Variants in SLC26A1 observed in about 807,000 individuals in gnomAD.
SLC26A1 encodes the protein solute carrier family 26 member 1.
SLC26A1 carries 18 observed loss-of-function variants against 14.5 expected under a neutral mutation model. The ratio of observed to expected loss-of-function variants is 1.24; its 90% CI spans 0.86 to 1.84. The LOEUF is 1.84. SLC26A1 is among the 40% of genes most tolerant of loss of function. The pLI, the probability that SLC26A1 is intolerant of heterozygous loss-of-function variation, is 0.00. For synonymous variants in SLC26A1, 505 were observed against 492.0 expected, an observed-to-expected ratio of 1.03 and a Z score of -0.35; for missense variants, 1,049 against 1,020.0, an observed-to-expected ratio of 1.03 and a Z score of -0.39.
chr4:987,081 G>A, downstream of SLC26A1: 1 of 1,491,942 alleles, frequency 6.7e-7, no homozygotes, highest in African/African-American at 1.5e-5. Flanking sequence ...GAGCACGCGT[G>A]GCCATGCGTC....
rs1166541009 is a variant in SLC26A1, at chr4:989,040, C to T, written c.1899G>A (p.Leu633=). ...TGCCCAGGGCCCCGTAGTCTCGGCG[C>T]AGGTCCTGCAGCGTGCTCACACCGG... ...DAAGVSTLQD[L]RRDYGALGIS... is the part of the protein sequence containing the mutation. Residue 633 remains leucine (L), a synonymous_variant, in exon 3 of 3, where the codon CTG becomes CTA. Transcript: ENST00000398516. 2.5e-6 allele frequency: 4 copies of T among 1,580,778 alleles called. No individual in the cohort carries two copies. The South Asian group carries it at 4.6e-5, about 18-fold the overall frequency.
At chr4:992,392 T>A (rs1271651050) in intron 1 of SLC26A1, among the ~76,000 whole-genome samples, 2 of 152,326 alleles carry the variant, frequency 1.3e-5, no homozygotes, top group East Asian at 3.9e-4. Context: ...GCCTCCTATG[T>A]CCCTGCCAAG....
At chr4:979,472 G>A (rs1242577114) in exon 3 of SLC26A1, 3 of 1,613,784 alleles carry the variant, frequency 1.9e-6, no homozygotes, top group African/African-American at 2.7e-5. Flanking sequence ...ATTGCCATGG[G>A]TGTTGCTGGA....
downstream of SLC26A1, chr4:986,785 G>A: frequency 1.8e-6 from 1 of 556,566 alleles, no homozygotes; most frequent in South Asian, 1.5e-5. Context: ...AGAAAAACAA[G>A]ACAGTAATGG....
At chr4:986,153 G>C (rs1322312387), downstream of SLC26A1, among the ~76,000 whole-genome samples, 1 of 152,076 alleles carries the variant, frequency 6.6e-6, no homozygotes, top group Non-Finnish European at 1.5e-5. Flanking sequence ...CAGGCCTCAA[G>C]TGATCCTCCC....
rs752705868 is a variant in SLC26A1, at chr4:988,287, C to T, written c.*546G>A. On this transcript the variant is annotated 3_prime_UTR_variant, in exon 3 of 3. Coordinates refer to ENST00000398516, the MANE Select transcript of SLC26A1 (RefSeq NM_022042.4). ...CCTGAGGGCTGAGCTGAGGTCTCAT[C>T]GGTCACAGCACCCTGGGCCCTGACG... 8.4e-5 allele frequency: 97 copies of T among 1,158,902 alleles called. 1 individual carries two copies. Among genetic ancestry groups the T allele is most frequent in the Non-Finnish European group, 9.2e-5 (86 of 935,218 alleles). The allele number at this position is 1,158,902 out of a possible 1,614,324, so 71.8% of individuals were successfully genotyped here.
In SLC26A1 at chr4:987,853, G is replaced by A. The variant is rs754212720; in HGVS notation, c.*980C>T. ...CAGGCTGACCAGTACGTCCTCAGCT[G>A]GGACCAGCAGCTCAACCTCGCCTAT... On this transcript the variant is annotated 3_prime_UTR_variant, in exon 3 of 3. Coordinates refer to ENST00000398516, the MANE Select transcript of SLC26A1 (RefSeq NM_022042.4). The A allele has an allele frequency of 6.2e-7, 1 of 1,612,480 alleles. No homozygotes were observed. The highest frequency in any genetic ancestry group is 1.1e-5 in the South Asian group (1 of 91,060).
In SLC26A1 at chr4:988,748, C is replaced by G; in HGVS notation, c.*85G>C. ...AGTGCAGCTCTTGGGTGGCTCCTCC[C>G]TGGGAAGGGTCTCAGCAGTGGCTTG... On this transcript the variant is annotated 3_prime_UTR_variant, in exon 3 of 3. Transcript: ENST00000398516. 7.0e-7 allele frequency: 1 copy of G among 1,436,648 alleles called. No individual in the cohort carries two copies. The allele number at this position is 1,436,648 out of a possible 1,614,324, so 89.0% of individuals were successfully genotyped here.
rs202108786 is a variant in SLC26A1 at position 991,534 on chromosome 4, G to A, written c.170C>T (p.Thr57Met). ...RALVQDLLPA[T>M]RWLRQYRPRE... The stretch of plus-strand genomic sequence containing the variant: ...CGGGCGGTACTGACGCAGCCAGCGC[G>A]TGGCGGGGAGCAGGTCCTGCACCAG... Residue 57 changes from threonine (T) to methionine (M), a missense_variant, in exon 2 of 3, where the codon ACG (threonine) becomes ATG (methionine). Thr to Met is a moderately conservative substitution (Grantham distance 81, BLOSUM62 -1). Coordinates refer to ENST00000398516, the MANE Select transcript of SLC26A1 (RefSeq NM_022042.4). 41 of 1,606,062 alleles carry A rather than the reference G, an allele frequency of 2.6e-5. No individual in the cohort carries two copies. In the East Asian group the frequency reaches 3.1e-4, roughly 12 times the overall value.
downstream of SLC26A1, among the ~76,000 whole-genome samples, chr4:986,226 C>G (rs963710793): frequency 6.6e-6 from 1 of 152,118 alleles, no homozygotes; most frequent in African/African-American, 2.4e-5. Flanking sequence ...CAAGCCTGTT[C>G]TTTCCATTAT....
chr4:980,801 C>T (rs1033681727), intron 2 of SLC26A1, among the ~76,000 whole-genome samples: 1 of 151,808 alleles, frequency 6.6e-6, no homozygotes, highest in African/African-American at 2.4e-5. Flanking sequence ...GAGACAGAAA[C>T]TAAAAACCAG....
intron 2 of SLC26A1, 46 bp from the exon 3 acceptor site, chr4:990,408 AC>A (rs752571486): frequency 2.5e-5 from 38 of 1,514,374 alleles, no homozygotes; most frequent in Admixed American, 1.2e-4. Context: ...GGCGGGAGCC[AC>A]CTGCCCCTCA....
Position 979,307 on chromosome 4 carries a change from A to G in SLC26A1, c.*99T>C, listed in dbSNP as rs1713466400. 23 of 762,762 alleles carry G rather than the reference A, an allele frequency of 3.0e-5. No individual in the cohort carries two copies. The East Asian group carries it at 6.2e-4, about 21-fold the overall frequency. 47.2% of individuals were successfully genotyped at this position (762,762 alleles called of 1,614,324 possible). On this transcript the variant is annotated 3_prime_UTR_variant, in exon 3 of 3. Transcript: ENST00000398520. Reference sequence around the variant, plus strand: ...CCTTTTTTCCCCAGGTGCTGATCCAAGCCTCCCTCTGGAATAAGCTGTATC... The same window carrying G: ...CCTTTTTTCCCCAGGTGCTGATCCAGGCCTCCCTCTGGAATAAGCTGTATC...
At chr4:992,382 GCCT>G in intron 1 of SLC26A1, among the ~76,000 whole-genome samples, 1 of 152,336 alleles carries the variant, frequency 6.6e-6, no homozygotes, top group East Asian at 1.9e-4. Flanking sequence ...TCAGGAAGAG[GCCT>G]CCTATGTCCC....
rs779939528 is a variant in SLC26A1, at chr4:991,355, T to C, written c.349A>G (p.Thr117Ala). ...FANLIYFLMGTSRHVSVGIFS... is the reference protein window; with the variant it reads ...FANLIYFLMGASRHVSVGIFS... ...ATGCCCACGGAGACATGCCGTGAGG[T>C]GCCCATGAGGAAGTAGATGAGGTTG... The change falls in exon 2 of 3, where the codon ACC becomes GCC. Residue 117 changes from threonine (T) to alanine (A), a missense_variant. Thr to Ala is a moderately conservative substitution (Grantham distance 58, BLOSUM62 0). Transcript: ENST00000398516. 1 of 1,612,494 alleles carries C rather than the reference T, an allele frequency of 6.2e-7. No homozygotes were observed. The highest frequency in any genetic ancestry group is 8.5e-7 in the Non-Finnish European group (1 of 1,179,852).
At position 989,234 on chromosome 4, in the gene SLC26A1, T is replaced by C; in HGVS notation, c.1705A>G (p.Met569Val). The change falls in exon 3 of 3, where the codon ATG becomes GTG. Residue 569 changes from methionine (M) to valine (V), a missense_variant. Coordinates refer to ENST00000398516, the MANE Select transcript of SLC26A1 (RefSeq NM_022042.4). ...YSLTGLDAGCMAARRKEGGSE... is the reference protein window; with the variant it reads ...YSLTGLDAGCVAARRKEGGSE... ...CCCCCCTCCTTCCTCCTGGCAGCCA[T>C]GCACCCTGCGTCCAGCCCCGTGAGG... The C allele has an allele frequency of 6.2e-7, 1 of 1,612,278 alleles. No individual in the cohort carries two copies. The highest frequency in any genetic ancestry group is 8.5e-7 in the Non-Finnish European group (1 of 1,179,646).
rs563993707 is a variant in SLC26A1, at chr4:989,838, G to A, written c.1101C>T (p.His367=). 5.3e-5 allele frequency: 83 copies of A among 1,579,148 alleles called. No homozygotes were observed. The highest frequency in any genetic ancestry group is 1.6e-4 in the South Asian group (14 of 86,456). ...ISLAEMFARS[H]GYSVRANQEL... is the part of the protein sequence containing the mutation. The stretch of plus-strand genomic sequence containing the variant: ...CCTGGTTGGCACGCACAGAGTAGCC[G>A]TGACTGCGGGCGAACATCTCCGCCA... The change falls in exon 3 of 3, where the codon CAC becomes CAT. Residue 367 remains histidine, a synonymous_variant. Transcript: ENST00000398516.
At chr4:992,354 C>T (rs1398147958) in intron 1 of SLC26A1, 1 of 372,392 alleles carries the variant, frequency 2.7e-6, no homozygotes, top group Non-Finnish European at 5.5e-6. Flanking sequence ...CCTGTGGGTC[C>T]TGGGGCTGGC....
rs573329794 is a variant in SLC26A1, at chr4:991,738, C to T, written c.-27-8G>A. ...TCAGGTCCCGTGGCCGACCTGCGGC[C>T]GAGAAGAGGGCATGGTCACAGGAGC... On this transcript the variant is annotated splice_region_variant and splice_polypyrimidine_tract_variant and intron_variant, in intron 1 of 2. Transcript: ENST00000398516. The T allele has an allele frequency of 3.3e-5, 51 of 1,527,260 alleles. No individual in the cohort carries two copies. Among genetic ancestry groups the T allele is most frequent in the Middle Eastern group, 1.7e-4 (1 of 5,824 alleles). 94.6% of individuals were successfully genotyped at this position (1,527,260 alleles called of 1,614,324 possible).
Sources: allele counts gnomAD v4.1 joint callset (sites outside exome capture counted in the v4.1 genomes callset), GRCh38; gene constraint gnomAD v4.1.1; transcripts MANE v1.5; gene names NCBI Gene and HGNC (gene_info 2026-07-23, HGNC 2026-07-21).